SLC30A8: variants seen among roughly 807,000 people sequenced by gnomAD.
The protein encoded by SLC30A8 is solute carrier family 30 member 8.
Under a neutral mutation model 36.9 loss-of-function variants are expected in SLC30A8, and 27 were observed. The observed-to-expected ratio is 0.73, with a 90% CI of 0.54 to 1.01. The LOEUF (loss-of-function observed/expected upper bound fraction) is 1.01. Ranked by LOEUF, SLC30A8 falls within the 50% of genes least tolerant of loss-of-function variation. SLC30A8 has a pLI of 0.00. For missense variants in SLC30A8, 439 were observed against 452.0 expected (o/e 0.97, Z 0.26); for synonymous variants, 164 against 172.4 (o/e 0.95, Z 0.38).
intron 2 of SLC30A8, among the ~76,000 whole-genome samples, chr8:117,098,102 C>T (rs933995085): frequency 2.9e-4 from 40 of 137,986 alleles, no homozygotes; most frequent in African/African-American, 9.2e-4. Context: ...ATATAATATA[C>T]GTTCTGTGAA....
chr8:117,082,270 G>A lies in SLC30A8; in HGVS notation c.-226+43012G>A, dbSNP rs574784357. Among the ~76,000 whole-genome samples, 8 of 152,094 alleles carry A rather than the reference G, an allele frequency of 5.3e-5. No homozygotes were observed. In the East Asian group the frequency reaches 1.5e-3, roughly 29 times the overall value. On this transcript the variant is annotated intron_variant, in intron 2 of 10. Transcript: ENST00000427715. Reference sequence around the variant, plus strand: ...TTGGTCTAGGTCTTTAAAGCACAAGGCACTGTCTAGATGAAGTATGTAATG... The same window carrying A: ...TTGGTCTAGGTCTTTAAAGCACAAGACACTGTCTAGATGAAGTATGTAATG...
chr8:117,138,880 A>G (rs1483654522), intron 1 of SLC30A8, among the ~76,000 whole-genome samples: 9 of 152,044 alleles, frequency 5.9e-5, no homozygotes, highest in Admixed American at 1.3e-4. Flanking sequence ...GAGGCAGGCC[A>G]TAAGAATAGA....
At chr8:116,968,355 TATAA>T (rs1394368129) in intron 1 of SLC30A8, among the ~76,000 whole-genome samples, 1 of 149,854 alleles carries the variant, frequency 6.7e-6, no homozygotes, top group African/African-American at 2.4e-5. Flanking sequence ...GCTTAGTATA[TATAA>T]ATAAGCTATA....
chr8:117,117,867 C>T (rs1176869769), intron 2 of SLC30A8, among the ~76,000 whole-genome samples: 1 of 151,892 alleles, frequency 6.6e-6, no homozygotes, highest in Non-Finnish European at 1.5e-5. Context: ...TGCTAACTTT[C>T]CTGCTCTGCA....
chr8:117,083,220 C>A (rs556951639), intron 2 of SLC30A8, among the ~76,000 whole-genome samples: 54 of 152,306 alleles, frequency 3.5e-4, no homozygotes, highest in African/African-American at 1.2e-3. Flanking sequence ...AGTGCACGCA[C>A]TTTCCCCCTT....
At chr8:116,986,027 A>G (rs1019613448) in intron 1 of SLC30A8, among the ~76,000 whole-genome samples, 1 of 152,086 alleles carries the variant, frequency 6.6e-6, no homozygotes, top group Admixed American at 6.6e-5. Context: ...TCTCATGCTA[A>G]TAAGGGAAGG....
At chr8:117,023,030 GA>G (rs1394949863) in intron 1 of SLC30A8, among the ~76,000 whole-genome samples, 2 of 151,338 alleles carry the variant, frequency 1.3e-5, no homozygotes, top group Non-Finnish European at 2.9e-5. Flanking sequence ...AAATTTACAA[GA>G]AAAAAAACAA....
intron 1 of SLC30A8, 52 bp from the exon 2 acceptor site, chr8:117,146,902 T>C (rs1008559239): frequency 6.2e-6 from 10 of 1,605,356 alleles, no homozygotes; most frequent in Non-Finnish European, 8.5e-6. Context: ...GGTCAGTGAG[T>C]GGCTTGTTTG....
intron 2 of SLC30A8, among the ~76,000 whole-genome samples, chr8:117,064,660 C>T (rs1457771604): frequency 2.0e-5 from 3 of 152,060 alleles, no homozygotes; most frequent in South Asian, 2.1e-4. Context: ...ATCGGACAGC[C>T]GAAGAGCATT....
chr8:117,030,668 AT>A (rs969486024), intron 1 of SLC30A8, among the ~76,000 whole-genome samples: 1 of 152,264 alleles, frequency 6.6e-6, no homozygotes, highest in African/African-American at 2.4e-5. Flanking sequence ...TTGAGTGTAG[AT>A]TTAGTCAAGG....
At chr8:117,028,724 T>A (rs1037412848) in intron 1 of SLC30A8, among the ~76,000 whole-genome samples, 1 of 151,924 alleles carries the variant, frequency 6.6e-6, no homozygotes, top group Admixed American at 6.6e-5. Flanking sequence ...AATATACATA[T>A]GACAAATATA....
At chr8:117,071,766 A>T (rs1818337086) in intron 2 of SLC30A8, among the ~76,000 whole-genome samples, 1 of 152,078 alleles carries the variant, frequency 6.6e-6, no homozygotes, top group Non-Finnish European at 1.5e-5. Flanking sequence ...TATTCCTCAA[A>T]TACTCATTGA....
intron 2 of SLC30A8, among the ~76,000 whole-genome samples, chr8:117,073,803 C>T (rs1470744297): frequency 1.3e-5 from 2 of 151,806 alleles, no homozygotes; most frequent in Non-Finnish European, 2.9e-5. Flanking sequence ...ATCATAAAAC[C>T]CAATGGCACA....
intron 2 of SLC30A8, among the ~76,000 whole-genome samples, chr8:117,103,918 C>A (rs187718474): frequency 6.6e-6 from 1 of 152,238 alleles, no homozygotes; most frequent in Admixed American, 6.5e-5. Context: ...ATTCTCAAAA[C>A]CCTGAATAGT....
At chr8:117,110,712 C>T (rs997628556) in intron 2 of SLC30A8, among the ~76,000 whole-genome samples, 11 of 152,208 alleles carry the variant, frequency 7.2e-5, no homozygotes, top group African/African-American at 1.9e-4. Context: ...GTGTGATGTA[C>T]GTGTATGTGT....
chr8:117,058,969 C>T (rs1817951172), intron 2 of SLC30A8, among the ~76,000 whole-genome samples: 1 of 152,128 alleles, frequency 6.6e-6, no homozygotes, highest in South Asian at 2.1e-4. Flanking sequence ...CTCCACCATA[C>T]CTTTTTTACC....
upstream of SLC30A8, chr8:116,950,528 A>AG (rs1813959601): frequency 6.6e-6 from 1 of 152,198 alleles, no homozygotes; most frequent in Non-Finnish European, 1.5e-5. Context: ...GGGATGAAAT[A>AG]TTTTCCTAAG....
chr8:117,119,311 C>T (rs568151202), intron 2 of SLC30A8, among the ~76,000 whole-genome samples: 13 of 151,978 alleles, frequency 8.6e-5, no homozygotes, highest in African/African-American at 2.6e-4. Flanking sequence ...TGGAGATCCA[C>T]CTTGGGCTAG....
intron 1 of SLC30A8, among the ~76,000 whole-genome samples, chr8:116,973,267 G>A (rs1295929040): frequency 6.6e-6 from 1 of 152,150 alleles, no homozygotes; most frequent in African/African-American, 2.4e-5. Flanking sequence ...TGCTCAAACA[G>A]ACTAAGACAC....
Sources: gnomAD v4.1 joint callset for allele counts (sites outside exome capture counted in the v4.1 genomes callset) on GRCh38, gnomAD v4.1.1 for gene constraint, MANE v1.5 for transcripts, NCBI Gene and HGNC (gene_info 2026-07-23, HGNC 2026-07-21) for gene names.